LYPLAL1: variants seen among roughly 807,000 people sequenced by gnomAD.
LYPLAL1 encodes lysophospholipase like 1, also known as lysophospholipase-like protein 1.
LYPLAL1 carries 23 observed loss-of-function variants against 19.7 expected under a neutral mutation model. That is an observed-to-expected ratio of 1.17 (90% CI 0.84 to 1.65). The LOEUF is 1.65. Ranked by LOEUF, LYPLAL1 falls within the 40% of genes most tolerant of loss-of-function variation. The pLI is 0.00. For synonymous variants in LYPLAL1, 119 were observed against 96.3 expected, an observed-to-expected ratio of 1.24 and a Z score of -1.38; for missense variants, 355 against 279.4, an observed-to-expected ratio of 1.27 and a Z score of -1.93.
chr1:219,220,660 CATG>C, the LYPLAL1 span, among the ~76,000 whole-genome samples: 1 of 152,148 alleles, frequency 6.6e-6, no homozygotes, highest in African/African-American at 2.4e-5. Context: ...TACAGCCAGA[CATG>C]ACATTTCTGG....
At chr1:219,429,036 C>T in the LYPLAL1 span, among the ~76,000 whole-genome samples, 1 of 152,168 alleles carries the variant, frequency 6.6e-6, no homozygotes, top group African/African-American at 2.4e-5. Context: ...AGAATTGTGC[C>T]TACCTTACCT....
At chr1:219,316,994 T>A in the LYPLAL1 span, among the ~76,000 whole-genome samples, 18 of 152,326 alleles carry the variant, frequency 1.2e-4, no homozygotes, top group Middle Eastern at 3.4e-3. Flanking sequence ...ACATTACTAA[T>A]GTATTGAATA....
the LYPLAL1 span, among the ~76,000 whole-genome samples, chr1:219,218,874 T>A: frequency 6.6e-6 from 1 of 152,102 alleles, no homozygotes; most frequent in African/African-American, 2.4e-5. Flanking sequence ...AATACTAACC[T>A]CAACTGTGCC....
chr1:219,174,046 A>G (rs1655595668), intron 1 of LYPLAL1, 65 bp downstream of exon 1: 1 of 1,601,318 alleles, frequency 6.2e-7, no homozygotes, highest in Admixed American at 1.7e-5. Context: ...CGGTTACCCC[A>G]GTATTGCCCA....
At chr1:219,439,917 C>T in the LYPLAL1 span, among the ~76,000 whole-genome samples, 1 of 148,534 alleles carries the variant, frequency 6.7e-6, no homozygotes, top group Non-Finnish European at 1.5e-5. Flanking sequence ...CATAATCACA[C>T]ACAGAGAAAC....
chr1:219,214,634 T>A (rs1423938758), downstream of LYPLAL1, among the ~76,000 whole-genome samples: 1 of 151,944 alleles, frequency 6.6e-6, no homozygotes. Context: ...TAGATATAAG[T>A]TGCATGTACC....
the LYPLAL1 span, among the ~76,000 whole-genome samples, chr1:219,386,604 A>T: frequency 6.6e-6 from 1 of 152,228 alleles, no homozygotes; most frequent in Middle Eastern, 3.4e-3. Flanking sequence ...GTACAATCTT[A>T]AGACATCTCA....
chr1:219,289,073 G>GTTTTTTTTTTTTTTTTTTTTTTTT, the LYPLAL1 span, among the ~76,000 whole-genome samples: 1 of 77,724 alleles, frequency 1.3e-5, no homozygotes, highest in Non-Finnish European at 2.7e-5. Flanking sequence ...GTTACCTCTT[G>GTTTTTTTTTTTTTTTTTTTTTTTT]TTTTGTTTTT....
At chr1:219,336,542 G>A in the LYPLAL1 span, among the ~76,000 whole-genome samples, 4 of 151,876 alleles carry the variant, frequency 2.6e-5, no homozygotes, top group Admixed American at 6.6e-5. Context: ...TGGGAACACT[G>A]CAACTATTGA....
chr1:219,275,413 C>T, the LYPLAL1 span, among the ~76,000 whole-genome samples: 1 of 152,120 alleles, frequency 6.6e-6, no homozygotes, highest in Non-Finnish European at 1.5e-5. Context: ...TGATGATTAA[C>T]TAAATGCACA....
the LYPLAL1 span, among the ~76,000 whole-genome samples, chr1:219,255,196 CATT>C: frequency 6.6e-6 from 1 of 151,590 alleles, no homozygotes; most frequent in East Asian, 1.9e-4. Flanking sequence ...GGAGAATTGA[CATT>C]ATTATAATAA....
At chr1:219,288,339 A>AT in the LYPLAL1 span, among the ~76,000 whole-genome samples, 12 of 152,322 alleles carry the variant, frequency 7.9e-5, no homozygotes, top group Admixed American at 1.3e-4. Flanking sequence ...ACTTAAGTGC[A>AT]TATTTTACTA....
the LYPLAL1 span, among the ~76,000 whole-genome samples, chr1:219,234,557 T>C: frequency 2.6e-4 from 39 of 152,202 alleles, no homozygotes; most frequent in East Asian, 7.1e-3. Context: ...AGAGAAAATA[T>C]TGAAAGTTAT....
intron 3 of LYPLAL1, chr1:219,200,708 C>A: frequency 4.3e-6 from 1 of 233,650 alleles, no homozygotes; most frequent in Non-Finnish European, 8.8e-6. Flanking sequence ...TCTTGATCTG[C>A]TTGCTCTTCC....
chr1:219,239,571 GT>G, the LYPLAL1 span, among the ~76,000 whole-genome samples: 1 of 152,166 alleles, frequency 6.6e-6, no homozygotes, highest in Non-Finnish European at 1.5e-5. Flanking sequence ...GTGTGTGTGT[GT>G]TCTCTTGTGT....
At chr1:219,216,646 C>T (rs1659300169), downstream of LYPLAL1, among the ~76,000 whole-genome samples, 1 of 152,132 alleles carries the variant, frequency 6.6e-6, no homozygotes, top group African/African-American at 2.4e-5. Context: ...TTTCCTCACA[C>T]ATATCTGATG....
the LYPLAL1 span, among the ~76,000 whole-genome samples, chr1:219,314,952 G>A: frequency 1.3e-5 from 2 of 152,006 alleles, no homozygotes; most frequent in Admixed American, 6.5e-5. Flanking sequence ...CTGAATAATA[G>A]AATAATAACT....
At chr1:219,195,349 G>GT (rs907107941) in intron 3 of LYPLAL1, among the ~76,000 whole-genome samples, 32 of 152,152 alleles carry the variant, frequency 2.1e-4, no homozygotes, top group African/African-American at 7.7e-4. Context: ...GGAGAAACCA[G>GT]TATAATATAA....
the LYPLAL1 span, among the ~76,000 whole-genome samples, chr1:219,418,606 G>A: frequency 0.096 from 14,690 of 152,262 alleles, 718 homozygotes; most frequent in Middle Eastern, 0.19. Context: ...CACCAGAGTA[G>A]TACATTTGTT....
Sources: allele counts gnomAD v4.1 joint callset (sites outside exome capture counted in the v4.1 genomes callset), GRCh38; gene constraint gnomAD v4.1.1; transcripts MANE v1.5; gene names NCBI Gene and HGNC (gene_info 2026-07-23, HGNC 2026-07-21).